The following PDZRN4 variants were observed in gnomAD, a reference collection of about 807,000 sequenced individuals.
PDZRN4 encodes PDZ domain-containing RING finger protein 4.
Under a neutral mutation model 99.0 loss-of-function variants are expected in PDZRN4, and 70 were observed. The observed-to-expected ratio is 0.71, with a 90% CI of 0.58 to 0.86. The LOEUF (loss-of-function observed/expected upper bound fraction) is 0.86. Ranked by LOEUF, PDZRN4 falls within the 40% of genes least tolerant of loss-of-function variation. The pLI, the probability that PDZRN4 is intolerant of heterozygous loss-of-function variation, is 0.00. For synonymous variants in PDZRN4, 551 were observed against 501.6 expected, an observed-to-expected ratio of 1.10 and a Z score of -1.32; for missense variants, 1,474 against 1,331.2, an observed-to-expected ratio of 1.11 and a Z score of -1.67.
In PDZRN4 at chr12:41,220,743, G is replaced by T. The variant is rs554526499; in HGVS notation, c.843+26555G>T. 2.6e-5 allele frequency among the ~76,000 whole-genome samples: 4 copies of T among 152,264 alleles called. No individual in the cohort carries two copies. In the East Asian group the frequency reaches 7.7e-4, roughly 29 times the overall value. On this transcript the variant is annotated intron_variant, in intron 3 of 9. Coordinates refer to ENST00000402685, the MANE Select transcript of PDZRN4 (RefSeq NM_001164595.2). ...GAGGGAGAGGTTATGGAATAAACCA[G>T]GCAATTCAGAAAAATGTTAGGCATA...
At chr12:41,221,529 A>T (rs1950956093) in intron 3 of PDZRN4, among the ~76,000 whole-genome samples, 1 of 151,980 alleles carries the variant, frequency 6.6e-6, no homozygotes, top group African/African-American at 2.4e-5. Context: ...GTTTTTTTTT[A>T]TTACCTGTGT....
At chr12:41,249,398 T>C (rs1255905230) in intron 3 of PDZRN4, among the ~76,000 whole-genome samples, 1 of 152,200 alleles carries the variant, frequency 6.6e-6, no homozygotes, top group East Asian at 1.9e-4. Flanking sequence ...AAAGAAGTTA[T>C]TTTGGAGAAA....
intron 5 of PDZRN4, among the ~76,000 whole-genome samples, chr12:41,518,200 T>C (rs906252422): frequency 5.3e-5 from 8 of 152,072 alleles, no homozygotes; most frequent in Admixed American, 1.3e-4. Flanking sequence ...TGGTTACATA[T>C]TGCATTTACC....
chr12:41,497,674 G>T (rs1013958736), intron 3 of PDZRN4, among the ~76,000 whole-genome samples: 1 of 152,110 alleles, frequency 6.6e-6, no homozygotes, highest in Non-Finnish European at 1.5e-5. Flanking sequence ...TTTTTAAATA[G>T]CTCAGCTTGG....
intron 3 of PDZRN4, among the ~76,000 whole-genome samples, chr12:41,424,961 T>C (rs577056651): frequency 6.6e-6 from 1 of 152,254 alleles, no homozygotes; most frequent in South Asian, 2.1e-4. Context: ...TGGCAAACAT[T>C]GTCTTCTGGG....
intron 5 of PDZRN4, among the ~76,000 whole-genome samples, chr12:41,533,495 T>G (rs578171367): frequency 6.6e-6 from 1 of 152,168 alleles, no homozygotes; most frequent in Non-Finnish European, 1.5e-5. Context: ...TTTAAAAAAT[T>G]TAGTAACCCT....
intron 3 of PDZRN4, among the ~76,000 whole-genome samples, chr12:41,291,161 A>T (rs1228655685): frequency 6.6e-6 from 1 of 152,164 alleles, no homozygotes. Flanking sequence ...TAATAAAAAG[A>T]TATAAAAATT....
rs150663163 is a variant in PDZRN4 at position 41,372,603 on chromosome 12, G to A, written c.844-133853G>A. On this transcript the variant is annotated intron_variant, in intron 3 of 9. Coordinates refer to ENST00000402685, the MANE Select transcript of PDZRN4 (RefSeq NM_001164595.2). Reference sequence around the variant, plus strand: ...TACCAGAGGTATAAACTTAGTTCACGTACAGGGAATAGCATTTTTAATGGT... The same window carrying A: ...TACCAGAGGTATAAACTTAGTTCACATACAGGGAATAGCATTTTTAATGGT... Among the ~76,000 whole-genome samples, 8 of 152,254 alleles carry A rather than the reference G, an allele frequency of 5.3e-5. No individual in the cohort carries two copies. The East Asian group carries it at 7.7e-4, about 15-fold the overall frequency.
At chr12:41,555,361 A>T (rs952967688) in intron 6 of PDZRN4, among the ~76,000 whole-genome samples, 28 of 152,058 alleles carry the variant, frequency 1.8e-4, no homozygotes, top group African/African-American at 6.5e-4. Flanking sequence ...TCAACTGAAG[A>T]TCATGTGACA....
At chr12:41,270,306 T>TG (rs1951306255) in intron 3 of PDZRN4, among the ~76,000 whole-genome samples, 19 of 147,988 alleles carry the variant, frequency 1.3e-4, no homozygotes, top group Admixed American at 1.3e-3. Flanking sequence ...TGTGTCTGTG[T>TG]GTGTGGTGTG....
At chr12:41,469,208 G>T (rs929163035) in intron 3 of PDZRN4, among the ~76,000 whole-genome samples, 4 of 152,078 alleles carry the variant, frequency 2.6e-5, no homozygotes, top group African/African-American at 4.8e-5. Context: ...ACATTATTTT[G>T]CTTGAATAGC....
At chr12:41,563,485 C>T in intron 7 of PDZRN4, 63 bp from the exon 8 acceptor site, 4 of 1,143,734 alleles carry the variant, frequency 3.5e-6, no homozygotes, top group Non-Finnish European at 5.3e-6. Context: ...CTGATATTTG[C>T]CATTTATTGT....
At chr12:41,514,589 C>T (rs1210729984) in intron 5 of PDZRN4, among the ~76,000 whole-genome samples, 2 of 152,050 alleles carry the variant, frequency 1.3e-5, no homozygotes, top group Non-Finnish European at 2.9e-5. Context: ...ATCTGCCTTG[C>T]TTATCATTGT....
intron 3 of PDZRN4, among the ~76,000 whole-genome samples, chr12:41,210,855 T>C (rs1291097840): frequency 7.9e-6 from 1 of 127,312 alleles, no homozygotes; most frequent in Non-Finnish European, 1.7e-5. Flanking sequence ...GATTTCAAAT[T>C]AGTTTAGAAC....
In PDZRN4 at chr12:41,477,951, A is replaced by G. The variant is rs560185096; in HGVS notation, c.844-28505A>G. The G allele has an allele frequency of 1.8e-4, 241 of 1,349,806 alleles. 1 individual carries two copies. The highest frequency in any genetic ancestry group is 2.4e-4 in the Non-Finnish European group (230 of 974,764). The allele number at this position is 1,349,806 out of a possible 1,614,324, so 83.6% of individuals were successfully genotyped here. On this transcript the variant is annotated intron_variant, in intron 3 of 9. Coordinates refer to ENST00000402685, the MANE Select transcript of PDZRN4 (RefSeq NM_001164595.2). Reference sequence around the variant, plus strand: ...TATGGCATTAAATTTATTTCATCATATTATTCTCTTGCTTATCAGTGAGCG... The same window carrying G: ...TATGGCATTAAATTTATTTCATCATGTTATTCTCTTGCTTATCAGTGAGCG...
chr12:41,442,232 C>T (rs548938525), intron 3 of PDZRN4, among the ~76,000 whole-genome samples: 2 of 152,038 alleles, frequency 1.3e-5, no homozygotes, highest in Admixed American at 1.3e-4. Context: ...CAATTTGGAC[C>T]CTTGTAACTT....
At position 41,513,221 on chromosome 12, in the gene PDZRN4, C is replaced by T. The variant is rs1938340114; in HGVS notation, c.1203+3308C>T. Among the ~76,000 whole-genome samples, 3 of 152,016 alleles carry T rather than the reference C, an allele frequency of 2.0e-5. No individual in the cohort carries two copies. In the South Asian group the frequency reaches 6.2e-4, roughly 32 times the overall value. ...ACTGTAACAGGTCCCTTCAGAGCCA[C>T]GGCAGACAAGCAAATGCTTCTTTGG... On this transcript the variant is annotated intron_variant, in intron 5 of 9. Transcript: ENST00000402685.
At chr12:41,495,134 CAT>C (rs1491179695) in intron 3 of PDZRN4, among the ~76,000 whole-genome samples, 1 of 151,416 alleles carries the variant, frequency 6.6e-6, no homozygotes, top group Non-Finnish European at 1.5e-5. Flanking sequence ...TGTGTTTGTG[CAT>C]GTGTGTGTGT....
At chr12:41,383,436 CTT>C (rs1397866540) in intron 3 of PDZRN4, among the ~76,000 whole-genome samples, 2 of 152,150 alleles carry the variant, frequency 1.3e-5, no homozygotes, top group Non-Finnish European at 2.9e-5. Flanking sequence ...AAAGCACCAA[CTT>C]AAATAAAAAT....
Sources: gnomAD v4.1 joint callset for allele counts (sites outside exome capture counted in the v4.1 genomes callset) on GRCh38, gnomAD v4.1.1 for gene constraint, MANE v1.5 for transcripts, NCBI Gene and HGNC (gene_info 2026-07-23, HGNC 2026-07-21) for gene names.